Variants in INTS2 observed in about 807,000 individuals in gnomAD.
The protein encoded by INTS2 is integrator complex subunit 2.
Under a neutral mutation model 139.6 loss-of-function variants are expected in INTS2, and 57 were observed. The ratio of observed to expected loss-of-function variants is 0.41; its 90% confidence interval spans 0.33 to 0.51. The LOEUF (loss-of-function observed/expected upper bound fraction) is 0.51. Ranked by LOEUF, INTS2 falls within the 20% of genes least tolerant of loss-of-function variation. The probability of loss-of-function intolerance (pLI) is 0.28; values close to 1 mark genes in which losing one functional copy is unlikely to be tolerated. For synonymous variants in INTS2, 473 were observed against 493.4 expected, an observed-to-expected ratio of 0.96 and a Z score of 0.55; for missense variants, 1,196 against 1,436.7, an observed-to-expected ratio of 0.83 and a Z score of 2.71.
intron 15 of INTS2, among the ~76,000 whole-genome samples, chr17:61,888,742 C>T (rs1281683555): frequency 2.0e-5 from 3 of 151,924 alleles, no homozygotes; most frequent in Non-Finnish European, 2.9e-5. Flanking sequence ...CGAAACTCTT[C>T]GGCCAGGCGC....
rs968285870 is a variant in INTS2 at position 61,867,672 on chromosome 17, G to A, written c.3476C>T (p.Ser1159Leu). Residue 1159 changes from serine (S) to leucine (L), a missense_variant, in exon 25 of 25, where the codon TCA becomes TTA. Ser to Leu is a moderately radical substitution (Grantham distance 145, BLOSUM62 -2). Around this residue, in one of 3 missense-constraint regions of INTS2, gnomAD observed 1,129 missense variants for 1,341.9 expected, o/e 0.84. Transcript: ENST00000251334. This position sits in a 1 kb window ranked among gnomAD's most constrained non-coding sequence, Gnocchi z 5.6. ...GTCCCTGGATCCATTTTTATAAGAT[G>A]AATCTTTACAGATTTGAGACCATCC... ...PSGWSQICKD[S>L]SYKNGSRDTG... 1.2e-6 allele frequency: 2 copies of A among 1,612,104 alleles called. No individual in the cohort carries two copies. The highest frequency in any genetic ancestry group is 1.3e-5 in the African/African-American group (1 of 74,942).
chr17:61,889,996 G>C, intron 14 of INTS2, 102 bp from the exon 15 acceptor site: 2 of 697,756 alleles, frequency 2.9e-6, no homozygotes, highest in Non-Finnish European at 5.0e-6. Flanking sequence ...CAGCATTGCT[G>C]CTCCTAACTC....
intron 2 of INTS2, among the ~76,000 whole-genome samples, chr17:61,925,415 C>A (rs554848241): frequency 8.6e-5 from 13 of 151,548 alleles, no homozygotes; most frequent in Non-Finnish European, 1.6e-4. Context: ...CTCGTCTCTA[C>A]TAATAATACA....
At chr17:61,904,418 A>C in intron 9 of INTS2, 42 bp downstream of exon 9, 2 of 1,424,604 alleles carry the variant, frequency 1.4e-6, no homozygotes, top group Non-Finnish European at 1.9e-6. Flanking sequence ...AGTAAATAAA[A>C]GTAAACCTTG....
rs1238434488 is a variant in INTS2, at chr17:61,889,961, A to G, written c.1876-67T>C. ...CACGAGTGCTTTTTTTTTTCTTGAT[A>G]GTAAAAGAATCAAAATAGACTATTC... On this transcript the variant is annotated intron_variant, in intron 14 of 24. Transcript: ENST00000251334. The G allele has an allele frequency of 3.2e-6, 3 of 946,892 alleles. No homozygotes were observed. In the Admixed American group the frequency reaches 6.1e-5, roughly 19 times the overall value. The allele number at this position is 946,892 out of a possible 1,614,324, so 58.7% of individuals were successfully genotyped here. A position where few individuals can be genotyped will look rare whatever the true frequency, so the allele number is the denominator to read the frequency against.
Position 61,869,063 on chromosome 17 carries a change from G to C in INTS2, c.3215C>G (p.Ala1072Gly), listed in dbSNP as rs1555620193. ...LPKSLSVARLAVNVMGTLLTV... is the reference protein window; with the variant it reads ...LPKSLSVARLGVNVMGTLLTV... ...TAACAAAGTTCCCATGACATTGACA[G>C]CTAAACGAGCCACACTAAGTGACTT... Residue 1072 changes from alanine (A) to glycine (G), a missense_variant, in exon 23 of 25, where the codon GCT becomes GGT. Ala to Gly is a moderately conservative substitution (Grantham distance 60). Transcript: ENST00000251334. This position sits in a 1 kb window ranked among gnomAD's most constrained non-coding sequence, Gnocchi z 5.4. The C allele has an allele frequency of 6.2e-7, 1 of 1,610,770 alleles. No homozygotes were observed. Among genetic ancestry groups the C allele is most frequent in the Non-Finnish European group, 8.5e-7 (1 of 1,177,420 alleles).
intron 17 of INTS2, among the ~76,000 whole-genome samples, chr17:61,880,769 AGGGAAAAG>A (rs1200856344): frequency 4.5e-5 from 6 of 132,646 alleles, no homozygotes; most frequent in African/African-American, 1.7e-4. Context: ...AGGAAAGGAA[AGGGAAAAG>A]GGGGAAAGGG....
At chr17:61,911,449 A>C (rs2079525380) in intron 7 of INTS2, 71 bp downstream of exon 7, 1 of 1,347,992 alleles carries the variant, frequency 7.4e-7, no homozygotes, top group Non-Finnish European at 1.0e-6. Context: ...TCATTCAAAA[A>C]ATGTTTCTTT....
chr17:61,904,924 A>T (rs965010598), intron 8 of INTS2, among the ~76,000 whole-genome samples: 2 of 150,482 alleles, frequency 1.3e-5, no homozygotes, highest in Non-Finnish European at 1.5e-5. Flanking sequence ...AACATTAAAA[A>T]CTCTGTTGAT....
chr17:61,881,307 G>A lies in INTS2; in HGVS notation c.2090-136C>T. On this transcript the variant is annotated intron_variant, in intron 16 of 24. Coordinates refer to ENST00000251334, the MANE Select transcript of INTS2 (RefSeq NM_001351695.2). ...TCTAAGTCAGTGTTTCTCAAAAAAT[G>A]ATTAGATGGCCGGGCGCGGTGGCTC... 4.1e-6 allele frequency: 3 copies of A among 727,314 alleles called. No individual in the cohort carries two copies. The South Asian group carries it at 5.9e-5, about 14-fold the overall frequency. 45.1% of individuals were successfully genotyped at this position (727,314 alleles called of 1,614,324 possible).
chr17:61,917,028 T>C (rs536750920), intron 5 of INTS2, among the ~76,000 whole-genome samples: 1 of 151,410 alleles, frequency 6.6e-6, no homozygotes. Context: ...CCAAAAAACA[T>C]GAAAAAAAAT....
chr17:61,877,172 G>A (rs1462805199), intron 18 of INTS2, among the ~76,000 whole-genome samples: 1 of 152,050 alleles, frequency 6.6e-6, no homozygotes, highest in Non-Finnish European at 1.5e-5. Context: ...TTCTAAATTG[G>A]AAAATCAGGA....
At position 61,927,962 on chromosome 17, in the gene INTS2, C is replaced by T. The variant is rs775366717; in HGVS notation, c.-327G>A. The T allele has an allele frequency of 1.9e-6, 3 of 1,613,938 alleles. No homozygotes were observed. The highest frequency in any genetic ancestry group is 2.5e-6 in the Non-Finnish European group (3 of 1,179,856). ...TCATTCATCCCCAGCGTCTGACTCC[C>T]GTCGGCCACCGTACTGGTCTGAGAG... On this transcript the variant is annotated 5_prime_UTR_variant, in exon 1 of 25. Transcript: ENST00000251334.
intron 8 of INTS2, among the ~76,000 whole-genome samples, chr17:61,907,060 T>C (rs954966991): frequency 1.3e-5 from 2 of 151,400 alleles, no homozygotes; most frequent in African/African-American, 4.9e-5. Flanking sequence ...AAAGGAGAGA[T>C]TTACTTCAAC....
chr17:61,896,171 C>T lies in INTS2; in HGVS notation c.1495-788G>A, dbSNP rs192454301. Reference sequence around the variant, plus strand: ...AGGAGAATGGCATGAACCTGGGAGACGGAGCTTGCAGTGAGCCGAGATCGC... The same window carrying T: ...AGGAGAATGGCATGAACCTGGGAGATGGAGCTTGCAGTGAGCCGAGATCGC... On this transcript the variant is annotated intron_variant, in intron 11 of 24. Transcript: ENST00000251334. Among the ~76,000 whole-genome samples, 552 of 142,502 alleles carry T rather than the reference C, an allele frequency of 3.9e-3. 2 individuals are homozygous for T. Among genetic ancestry groups the T allele is most frequent in the African/African-American group, 0.013 (500 of 38,168 alleles). The allele number at this position is 142,502 out of a possible 152,430, so 93.5% of individuals were successfully genotyped here. A position where few individuals can be genotyped will look rare whatever the true frequency, so the allele number is the denominator to read the frequency against.
rs2079039436 is a variant in INTS2 at position 61,865,716 on chromosome 17, A to G, written c.*1841T>C. ...TCGCAAGGCCTCAGTTTAAAAAAAA[A>G]AGGAGCAGTTGTATTTAATCTTAAG... On this transcript the variant is annotated 3_prime_UTR_variant, in exon 25 of 25. Transcript: ENST00000251334. The surrounding 1 kb of genome is among the most constrained non-coding windows in gnomAD (Gnocchi z 4.8). 6.6e-6 allele frequency: 1 copy of G among 152,274 alleles called. No homozygotes were observed. The highest frequency in any genetic ancestry group is 2.4e-5 in the African/African-American group (1 of 41,458). The allele number at this position is 152,274 out of a possible 1,614,324, so 9.4% of individuals were successfully genotyped here.
At chr17:61,881,392 T>C (rs1382816221) in intron 16 of INTS2, among the ~76,000 whole-genome samples, 2 of 151,186 alleles carry the variant, frequency 1.3e-5, no homozygotes, top group Non-Finnish European at 2.9e-5. Context: ...AGGTCAGGAG[T>C]TCAAGACCAG....
chr17:61,884,730 G>C (rs2079209742), intron 16 of INTS2, among the ~76,000 whole-genome samples, 171 bp downstream of exon 16: 2 of 152,112 alleles, frequency 1.3e-5, no homozygotes, highest in Non-Finnish European at 2.9e-5. Context: ...TTAGGGGGCA[G>C]GCTGGTTTGC....
At chr17:61,906,888 C>T (rs894912621) in intron 8 of INTS2, among the ~76,000 whole-genome samples, 19 of 128,232 alleles carry the variant, frequency 1.5e-4, no homozygotes, top group African/African-American at 5.1e-4. Context: ...CGCTTGAATC[C>T]GGGAGGCAGA....
Sources: allele counts gnomAD v4.1 joint callset (sites outside exome capture counted in the v4.1 genomes callset), GRCh38; gene constraint gnomAD v4.1.1; regional missense constraint gnomAD v4.1.1; non-coding constraint Gnocchi (gnomAD v3.1); transcripts MANE v1.5; gene names NCBI Gene and HGNC (gene_info 2026-07-23, HGNC 2026-07-21).